The following CNTN4 variants were observed in gnomAD, a reference collection of about 807,000 sequenced individuals.
CNTN4 encodes contactin 4.
In CNTN4, 77 loss-of-function variants were observed where a neutral mutation model predicts 122.5. The ratio of observed to expected loss-of-function variants is 0.63; its 90% CI spans 0.52 to 0.76. The LOEUF is 0.76. Ranked by LOEUF, CNTN4 falls within the 30% of genes least tolerant of loss-of-function variation. CNTN4 has a pLI of 0.00. For synonymous variants in CNTN4, 512 were observed against 447.0 expected, an observed-to-expected ratio of 1.15 and a Z score of -1.83; for missense variants, 1,256 against 1,259.1, an observed-to-expected ratio of 1.00 and a Z score of 0.04.
chr3:2,463,855 G>A (rs756097678), intron 3 of CNTN4, among the ~76,000 whole-genome samples: 1 of 152,108 alleles, frequency 6.6e-6, no homozygotes, highest in Non-Finnish European at 1.5e-5. Context: ...TGGTACTACG[G>A]TATGATATGT....
intron 2 of CNTN4, among the ~76,000 whole-genome samples, chr3:2,277,067 T>C (rs1283735177): frequency 1.3e-5 from 2 of 152,172 alleles, no homozygotes; most frequent in Admixed American, 1.3e-4. Context: ...AAAACTGGTA[T>C]ATTTGGTAAA....
chr3:3,053,745 T>C, intron 23 of CNTN4, 62 bp from the exon 24 acceptor site: 1 of 1,551,700 alleles, frequency 6.4e-7, no homozygotes. Context: ...AACAAATGAA[T>C]GCTCCATATT....
At chr3:2,948,576 A>T (rs1256968135) in intron 13 of CNTN4, among the ~76,000 whole-genome samples, 1 of 152,188 alleles carries the variant, frequency 6.6e-6, no homozygotes, top group Non-Finnish European at 1.5e-5. Context: ...AAAAGCTCTG[A>T]AAACAAAAAA....
intron 3 of CNTN4, among the ~76,000 whole-genome samples, chr3:2,359,783 C>T (rs984302650): frequency 1.5e-4 from 23 of 152,160 alleles, no homozygotes; most frequent in African/African-American, 5.1e-4. Flanking sequence ...TCGTGATCCA[C>T]CCGCCTCGGC....
At chr3:2,435,483 A>G (rs1348717127) in intron 3 of CNTN4, among the ~76,000 whole-genome samples, 2 of 152,224 alleles carry the variant, frequency 1.3e-5, no homozygotes, top group African/African-American at 4.8e-5. Context: ...CTTTTTCCAA[A>G]TATTTTTGAT....
intron 14 of CNTN4, among the ~76,000 whole-genome samples, chr3:2,995,057 A>G (rs1416135982): frequency 6.6e-6 from 1 of 152,188 alleles, no homozygotes; most frequent in Non-Finnish European, 1.5e-5. Flanking sequence ...GTAGGAAGGA[A>G]AAGTTTGTCA....
At chr3:2,453,944 AT>A (rs35094150) in intron 3 of CNTN4, among the ~76,000 whole-genome samples, 17,899 of 152,222 alleles carry the variant, frequency 0.12, 1,363 homozygotes, top group Middle Eastern at 0.21. Flanking sequence ...TGAAAAGAAA[AT>A]CACACTTTCA....
chr3:2,824,049 G>T (rs1405339860), intron 7 of CNTN4, among the ~76,000 whole-genome samples: 1 of 152,034 alleles, frequency 6.6e-6, no homozygotes, highest in African/African-American at 2.4e-5. Context: ...GGGCAGTGAG[G>T]GTTGACAGCT....
At chr3:2,875,735 G>T (rs532342885) in intron 8 of CNTN4, among the ~76,000 whole-genome samples, 1 of 152,226 alleles carries the variant, frequency 6.6e-6, no homozygotes, top group South Asian at 2.1e-4. Context: ...GTTATTTGTG[G>T]CTCCAAAGAC....
chr3:2,592,304 C>T (rs2080534612), intron 4 of CNTN4, among the ~76,000 whole-genome samples: 1 of 152,198 alleles, frequency 6.6e-6, no homozygotes, highest in Non-Finnish European at 1.5e-5. Context: ...CTTTACCTAT[C>T]TGCATGATTT....
intron 2 of CNTN4, among the ~76,000 whole-genome samples, chr3:2,319,295 G>A (rs1472026898): frequency 7.0e-6 from 1 of 142,714 alleles, no homozygotes; most frequent in African/African-American, 2.5e-5. Flanking sequence ...AGATATTCAA[G>A]AATCATAGCC....
intron 3 of CNTN4, among the ~76,000 whole-genome samples, chr3:2,483,524 T>G (rs1333554677): frequency 6.6e-6 from 1 of 152,176 alleles, no homozygotes; most frequent in Non-Finnish European, 1.5e-5. Flanking sequence ...AATGATATGG[T>G]TTTGCTGTGT....
intron 6 of CNTN4, among the ~76,000 whole-genome samples, chr3:2,765,597 A>G (rs1432465934): frequency 5.3e-5 from 8 of 152,306 alleles, no homozygotes; most frequent in Non-Finnish European, 7.4e-5. Flanking sequence ...TTAATCATCA[A>G]TTAAATATGG....
intron 2 of CNTN4, among the ~76,000 whole-genome samples, chr3:2,207,672 C>T (rs1262797493): frequency 6.6e-6 from 1 of 152,024 alleles, no homozygotes; most frequent in Non-Finnish European, 1.5e-5. Flanking sequence ...AAGAAACCAG[C>T]AAGTGTGATG....
chr3:2,696,548 A>G (rs2149228658), intron 4 of CNTN4, among the ~76,000 whole-genome samples: 1 of 152,364 alleles, frequency 6.6e-6, no homozygotes, highest in Admixed American at 6.5e-5. Context: ...AGGCCTCACC[A>G]GACACCAAAC....
chr3:2,764,876 C>T (rs1346957406), intron 6 of CNTN4, among the ~76,000 whole-genome samples: 3 of 152,154 alleles, frequency 2.0e-5, no homozygotes, highest in African/African-American at 7.2e-5. Flanking sequence ...AAGGAGAGAA[C>T]TCAGACATAA....
At chr3:2,198,645 AAT>A (rs2037956152) in intron 2 of CNTN4, among the ~76,000 whole-genome samples, 1 of 152,158 alleles carries the variant, frequency 6.6e-6, no homozygotes, top group Non-Finnish European at 1.5e-5. Flanking sequence ...AAAAAAATAA[AAT>A]ATATTTCCTC....
At chr3:2,636,848 T>G (rs1009939499) in intron 4 of CNTN4, among the ~76,000 whole-genome samples, 2 of 151,884 alleles carry the variant, frequency 1.3e-5, no homozygotes, top group Non-Finnish European at 2.9e-5. Context: ...TTCATATACA[T>G]CTCTATATCA....
At chr3:2,621,308 A>C (rs116114864) in intron 4 of CNTN4, among the ~76,000 whole-genome samples, 1 of 152,160 alleles carries the variant, frequency 6.6e-6, no homozygotes, top group Non-Finnish European at 1.5e-5. Context: ...CACAAGTTTT[A>C]TTCTAATCGT....
Sources: gnomAD v4.1 joint callset for allele counts (sites outside exome capture counted in the v4.1 genomes callset) on GRCh38, gnomAD v4.1.1 for gene constraint, MANE v1.5 for transcripts, NCBI Gene and HGNC (gene_info 2026-07-23, HGNC 2026-07-21) for gene names.